TENM2: variants seen among roughly 807,000 people sequenced by gnomAD.
TENM2 encodes the protein teneurin-2.
A neutral mutation model predicts 245.2 loss-of-function variants in TENM2; 52 were observed. The observed-to-expected ratio is 0.21, with a 90% CI of 0.17 to 0.27. The LOEUF (loss-of-function observed/expected upper bound fraction) is 0.27. Among genes scored for constraint, TENM2 ranks in the 10% least tolerant of loss-of-function variants. The pLI, the probability that TENM2 is intolerant of heterozygous loss-of-function variation, is 1.00. For missense variants in TENM2, 3,046 were observed against 3,666.8 expected, an observed-to-expected ratio of 0.83 and a Z score of 4.37; for synonymous variants, 1,363 against 1,438.9, an observed-to-expected ratio of 0.95 and a Z score of 1.19.
chr5:167,915,089 G>A (rs1256680798), intron 3 of TENM2, among the ~76,000 whole-genome samples: 6 of 152,070 alleles, frequency 3.9e-5, no homozygotes, highest in Non-Finnish European at 5.9e-5. Flanking sequence ...TGAGGTTGTG[G>A]ACATCTTTAG....
At chr5:167,440,660 T>A (rs1174444446) in intron 2 of TENM2, among the ~76,000 whole-genome samples, 1 of 152,132 alleles carries the variant, frequency 6.6e-6, no homozygotes, top group Non-Finnish European at 1.5e-5. Flanking sequence ...CTGGGCAACC[T>A]TTGATCCTTC....
intron 15 of TENM2, among the ~76,000 whole-genome samples, chr5:168,198,489 C>A (rs545147400): frequency 6.6e-6 from 1 of 152,176 alleles, no homozygotes; most frequent in Non-Finnish European, 1.5e-5. Context: ...AGCCACCATG[C>A]CCTGCCCAAT....
chr5:167,116,745 T>C, the TENM2 span: 1 of 152,154 alleles, frequency 6.6e-6, no homozygotes, highest in East Asian at 1.9e-4. Flanking sequence ...AAAACTACTG[T>C]CTTCAGAGAT....
intron 1 of TENM2, among the ~76,000 whole-genome samples, chr5:167,338,840 C>T (rs760038234): frequency 2.0e-5 from 3 of 152,144 alleles, no homozygotes; most frequent in Non-Finnish European, 1.5e-5. Flanking sequence ...CAGATGGCCC[C>T]GCTTTTGTTG....
At chr5:167,952,871 CT>C in intron 4 of TENM2, 49 bp downstream of exon 6, 2 of 1,475,106 alleles carry the variant, frequency 1.4e-6, no homozygotes, top group Non-Finnish European at 1.9e-6. Flanking sequence ...CACCTTACCC[CT>C]GAGTCACCAC....
At chr5:167,401,789 G>A (rs890240594) in intron 2 of TENM2, among the ~76,000 whole-genome samples, 8 of 152,064 alleles carry the variant, frequency 5.3e-5, no homozygotes, top group East Asian at 1.9e-4. Flanking sequence ...TAAAACTCAC[G>A]GACGAAATCA....
chr5:167,068,458 G>A, the TENM2 span, among the ~76,000 whole-genome samples: 2 of 152,100 alleles, frequency 1.3e-5, no homozygotes, highest in Non-Finnish European at 2.9e-5. Flanking sequence ...GAAATTAATT[G>A]TATTAATATA....
In TENM2 at chr5:167,436,905, G is replaced by A. The variant is rs187565935; in HGVS notation, c.502+61432G>A. Among the ~76,000 whole-genome samples, 522 of 152,356 alleles carry A rather than the reference G, an allele frequency of 3.4e-3. 4 individuals are homozygous for A. Among genetic ancestry groups the A allele is most frequent in the African/African-American group, 0.012 (488 of 41,586 alleles). ...AACCTCCGCCTACATTTCAGAAGAT[G>A]TATGGAAATGCCTGGATGCCTAGGG... On this transcript the variant is annotated intron_variant, in intron 2 of 28. Coordinates refer to ENST00000518659, the Ensembl canonical transcript of TENM2.
intron 1 of TENM2, among the ~76,000 whole-genome samples, chr5:167,298,841 T>C (rs567492688): frequency 8.1e-4 from 123 of 152,328 alleles, no homozygotes; most frequent in Non-Finnish European, 1.3e-3. Flanking sequence ...CAGTGTAAAC[T>C]GGCAGTGTAA....
chr5:168,195,150 A>G (rs756663821), intron 14 of TENM2, 26 bp from the exon 17 acceptor site: 5 of 1,568,826 alleles, frequency 3.2e-6, no homozygotes, highest in East Asian at 2.3e-5. Flanking sequence ...ATGTGGCTCA[A>G]AGACCTCTGT....
chr5:167,639,405 T>C (rs1779415797), intron 2 of TENM2, among the ~76,000 whole-genome samples: 1 of 152,190 alleles, frequency 6.6e-6, no homozygotes, highest in Non-Finnish European at 1.5e-5. Context: ...GTCATGTCAT[T>C]CCCTGCTTAA....
intron 2 of TENM2, among the ~76,000 whole-genome samples, chr5:167,718,621 A>G (rs775206289): frequency 1.3e-5 from 2 of 152,214 alleles, no homozygotes; most frequent in Non-Finnish European, 2.9e-5. Flanking sequence ...TGATATCTGA[A>G]TTATTTTATC....
At chr5:167,153,098 T>TACAC in the TENM2 span, among the ~76,000 whole-genome samples, 1,699 of 147,426 alleles carry the variant, frequency 0.012, 25 homozygotes, top group African/African-American at 0.035. Context: ...AATGAATACA[T>TACAC]ACACACACAC....
At chr5:168,147,835 C>T (rs1756243536) in intron 12 of TENM2, among the ~76,000 whole-genome samples, 1 of 152,152 alleles carries the variant, frequency 6.6e-6, no homozygotes. Flanking sequence ...CCGAGCATCC[C>T]TAAATCAAGA....
At chr5:167,952,260 C>T (rs1360483146) in intron 3 of TENM2, 3 of 412,434 alleles carry the variant, frequency 7.3e-6, no homozygotes, top group East Asian at 4.5e-5. Context: ...GCTACGCCAG[C>T]GATCAGCCTT....
chr5:167,396,694 A>G (rs890960901), intron 2 of TENM2, among the ~76,000 whole-genome samples: 9 of 152,170 alleles, frequency 5.9e-5, no homozygotes, highest in African/African-American at 1.4e-4. Context: ...TAACTACTCC[A>G]GGGAAAGTAG....
At chr5:167,417,916 C>A (rs1210408426) in intron 2 of TENM2, among the ~76,000 whole-genome samples, 1 of 152,170 alleles carries the variant, frequency 6.6e-6, no homozygotes, top group African/African-American at 2.4e-5. Flanking sequence ...TGGAGACTGA[C>A]CCCACCTTTC....
intron 2 of TENM2, among the ~76,000 whole-genome samples, chr5:167,445,336 T>TATATATATATATATATATATAGAGAG (rs368881390): frequency 1.3e-5 from 1 of 77,308 alleles, no homozygotes; most frequent in African/African-American, 5.5e-5. Flanking sequence ...TATATATATA[T>TATATATATATATATATATATAGAGAG]AGAGAGAGAG....
chr5:167,539,686 GA>G (rs1419532810), intron 2 of TENM2, among the ~76,000 whole-genome samples: 1 of 152,020 alleles, frequency 6.6e-6, no homozygotes, highest in East Asian at 1.9e-4. Context: ...GTAACATTGA[GA>G]AAAAAATGTT....
Sources: gnomAD v4.1 joint callset for allele counts (sites outside exome capture counted in the v4.1 genomes callset) on GRCh38, gnomAD v4.1.1 for gene constraint, MANE v1.5 for transcripts, NCBI Gene and HGNC (gene_info 2026-07-23, HGNC 2026-07-21) for gene names.